ZNF804B: variants seen among roughly 807,000 people sequenced by gnomAD.
ZNF804B encodes the protein zinc finger protein 804B.
A neutral mutation model predicts 101.4 loss-of-function variants in ZNF804B; 80 were observed. That is an observed-to-expected ratio of 0.79 (90% CI 0.66 to 0.95). The LOEUF (loss-of-function observed/expected upper bound fraction) is 0.95. ZNF804B is among the 40% of genes least tolerant of loss of function. ZNF804B has a pLI of 0.00. For missense variants in ZNF804B, 1,673 were observed against 1,561.9 expected (o/e 1.07, Z -1.20); for synonymous variants, 622 against 558.8 (o/e 1.11, Z -1.59).
intron 1 of ZNF804B, among the ~76,000 whole-genome samples, chr7:89,201,887 C>A (rs1305327756): frequency 2.6e-5 from 4 of 152,066 alleles, no homozygotes; most frequent in Non-Finnish European, 4.4e-5. Flanking sequence ...AAAATTGTAA[C>A]TTAATGAGGC....
intron 1 of ZNF804B, among the ~76,000 whole-genome samples, chr7:88,862,316 C>T (rs959555574): frequency 9.9e-5 from 15 of 152,250 alleles, no homozygotes; most frequent in South Asian, 8.3e-4. Flanking sequence ...AGATGAAATC[C>T]TATAGCCCCT....
intron 2 of ZNF804B, among the ~76,000 whole-genome samples, chr7:89,321,092 C>G (rs908097559): frequency 6.6e-6 from 1 of 151,866 alleles, no homozygotes; most frequent in African/African-American, 2.4e-5. Context: ...GTATATGACA[C>G]CAAAACATGA....
chr7:89,171,282 G>GCTTCTT (rs1491140157), intron 1 of ZNF804B, among the ~76,000 whole-genome samples: 23 of 95,556 alleles, frequency 2.4e-4, no homozygotes, highest in African/African-American at 8.6e-4. Context: ...AAATAATGCT[G>GCTTCTT]CTGCTGCTTC....
At chr7:89,033,913 T>C (rs1788881028) in intron 1 of ZNF804B, among the ~76,000 whole-genome samples, 1 of 152,160 alleles carries the variant, frequency 6.6e-6, no homozygotes, top group Admixed American at 6.6e-5. Context: ...TGATCATTTA[T>C]TGCATCATTT....
chr7:88,991,138 G>A (rs563348125), intron 1 of ZNF804B, among the ~76,000 whole-genome samples: 3 of 152,218 alleles, frequency 2.0e-5, no homozygotes, highest in African/African-American at 7.2e-5. Context: ...TAGGTACAGA[G>A]GAAACAATTT....
intron 1 of ZNF804B, among the ~76,000 whole-genome samples, chr7:88,830,674 G>A (rs1791119546): frequency 1.3e-5 from 2 of 151,836 alleles, no homozygotes; most frequent in Non-Finnish European, 2.9e-5. Context: ...ACTGACATTG[G>A]TGAAACATTA....
At chr7:89,001,944 TA>T (rs1010667509) in intron 1 of ZNF804B, among the ~76,000 whole-genome samples, 87 of 151,132 alleles carry the variant, frequency 5.8e-4, no homozygotes, top group African/African-American at 2.0e-3. Flanking sequence ...TTTTGTCAAT[TA>T]AAAATTTTTA....
chr7:88,805,950 T>C (rs553831795), intron 1 of ZNF804B, among the ~76,000 whole-genome samples: 116 of 144,096 alleles, frequency 8.1e-4, no homozygotes, highest in South Asian at 2.5e-3. Context: ...GAAATATAGA[T>C]AATAGCTTTG....
intron 2 of ZNF804B, among the ~76,000 whole-genome samples, chr7:89,253,431 T>C (rs10275991): frequency 0.04 from 6,144 of 152,232 alleles, 132 homozygotes; most frequent in Non-Finnish European, 0.049. Flanking sequence ...ATTGATGTTA[T>C]GCAGCTAATA....
chr7:89,258,738 A>T (rs1358959317), intron 2 of ZNF804B, among the ~76,000 whole-genome samples: 1 of 152,072 alleles, frequency 6.6e-6, no homozygotes, highest in Non-Finnish European at 1.5e-5. Context: ...TGTATTATGT[A>T]CTGTATTCTT....
At chr7:89,098,475 C>A (rs899240930) in intron 1 of ZNF804B, among the ~76,000 whole-genome samples, 10 of 151,784 alleles carry the variant, frequency 6.6e-5, no homozygotes, top group Admixed American at 3.3e-4. Context: ...GTTTCACCAA[C>A]GTTGGTCAGG....
intron 1 of ZNF804B, among the ~76,000 whole-genome samples, chr7:88,875,534 C>T (rs1453413578): frequency 1.3e-5 from 2 of 152,124 alleles, no homozygotes; most frequent in Non-Finnish European, 2.9e-5. Flanking sequence ...ACAAACACCT[C>T]TACGCAAATA....
At chr7:89,113,832 C>G (rs1790260913) in intron 1 of ZNF804B, among the ~76,000 whole-genome samples, 1 of 151,794 alleles carries the variant, frequency 6.6e-6, no homozygotes, top group African/African-American at 2.4e-5. Context: ...GCCTGTAATC[C>G]TAGCTATTCA....
intron 1 of ZNF804B, among the ~76,000 whole-genome samples, chr7:89,025,142 C>T (rs1398063574): frequency 6.6e-6 from 1 of 152,010 alleles, no homozygotes; most frequent in Non-Finnish European, 1.5e-5. Flanking sequence ...TATTGATTCT[C>T]AAGTACTCAT....
chr7:89,307,956 C>A (rs112787253), intron 2 of ZNF804B, among the ~76,000 whole-genome samples: 2 of 152,038 alleles, frequency 1.3e-5, no homozygotes, highest in Non-Finnish European at 1.5e-5. Flanking sequence ...CAGGTTCTTG[C>A]AATTAGTAGG....
chr7:89,073,684 A>G (rs555206717), intron 1 of ZNF804B, among the ~76,000 whole-genome samples: 11 of 152,246 alleles, frequency 7.2e-5, no homozygotes, highest in Admixed American at 2.0e-4. Context: ...ATCAAATGTG[A>G]TATTTGTAGC....
intron 1 of ZNF804B, among the ~76,000 whole-genome samples, chr7:89,085,324 T>G (rs1196720558): frequency 6.6e-6 from 1 of 151,906 alleles, no homozygotes; most frequent in East Asian, 1.9e-4. Context: ...AAATAAGAAA[T>G]CTAATTTGTT....
At chr7:89,183,087 G>T (rs1788322019) in intron 1 of ZNF804B, among the ~76,000 whole-genome samples, 1 of 152,158 alleles carries the variant, frequency 6.6e-6, no homozygotes, top group Non-Finnish European at 1.5e-5. Context: ...ACCGGAGAAG[G>T]CTAATAAGTT....
intron 1 of ZNF804B, among the ~76,000 whole-genome samples, chr7:89,057,344 A>G (rs1431674122): frequency 6.6e-6 from 1 of 152,042 alleles, no homozygotes; most frequent in Non-Finnish European, 1.5e-5. Context: ...CTGTCCAGAA[A>G]GTGGCATGCA....
Sources: allele counts gnomAD v4.1 joint callset (sites outside exome capture counted in the v4.1 genomes callset), GRCh38; gene constraint gnomAD v4.1.1; transcripts MANE v1.5; gene names NCBI Gene and HGNC (gene_info 2026-07-23, HGNC 2026-07-21).